Variants in NTRK2 observed in about 807,000 individuals in gnomAD.
The protein encoded by NTRK2 is BDNF/NT-3 growth factors receptor.
A neutral mutation model predicts 94.5 loss-of-function variants in NTRK2; 13 were observed. The ratio of observed to expected loss-of-function variants is 0.14; its 90% CI spans 0.09 to 0.22. The LOEUF is 0.22. NTRK2 is among the 10% of genes least tolerant of loss of function. The pLI, the probability that NTRK2 is intolerant of heterozygous loss-of-function variation, is 1.00. For synonymous variants in NTRK2, 372 were observed against 407.4 expected (o/e 0.91, Z 1.05); for missense variants, 639 against 1,071.2 (o/e 0.60, Z 5.63).
At chr9:84,720,320 C>G (rs942605798) in intron 6 of NTRK2, among the ~76,000 whole-genome samples, 6 of 152,264 alleles carry the variant, frequency 3.9e-5, no homozygotes, top group African/African-American at 1.2e-4. Flanking sequence ...GTGGATAAAA[C>G]AAAGGTTCTG....
chr9:84,844,933 A>G (rs939014004), intron 12 of NTRK2, among the ~76,000 whole-genome samples: 4 of 152,180 alleles, frequency 2.6e-5, no homozygotes, highest in African/African-American at 9.7e-5. Context: ...AAGAATGGCC[A>G]TAATTTAAAA....
intron 17 of NTRK2, among the ~76,000 whole-genome samples, chr9:84,956,814 C>T (rs1212137604): frequency 6.6e-6 from 1 of 150,630 alleles, no homozygotes; most frequent in Admixed American, 6.6e-5. Context: ...AATCTATTGT[C>T]GTGCTCCATT....
intron 12 of NTRK2, among the ~76,000 whole-genome samples, chr9:84,755,525 CTTTT>C (rs745611460): frequency 1.6e-5 from 1 of 60,642 alleles, no homozygotes; most frequent in African/African-American, 7.0e-5. Context: ...AGTCCCACCT[CTTTT>C]TTTTTTTTTT....
chr9:84,724,398 C>A lies in NTRK2; in HGVS notation c.853+42C>A, dbSNP rs1032199845. The A allele has an allele frequency of 3.7e-6, 6 of 1,612,854 alleles. No individual in the cohort carries two copies. The Admixed American group carries it at 6.7e-5, about 18-fold the overall frequency. Reference sequence around the variant, plus strand: ...GCATGTGTTTTTAATAGCAAATGATCATGGACGTACCTACGTTTGTTGCTG... The same window carrying A: ...GCATGTGTTTTTAATAGCAAATGATAATGGACGTACCTACGTTTGTTGCTG... On this transcript the variant is annotated intron_variant, in intron 8 of 18. Coordinates refer to ENST00000277120, the MANE Select transcript of NTRK2 (RefSeq NM_006180.6).
chr9:84,709,497 G>A (rs895890076), intron 5 of NTRK2, among the ~76,000 whole-genome samples: 1 of 152,082 alleles, frequency 6.6e-6, no homozygotes, highest in Non-Finnish European at 1.5e-5. Flanking sequence ...ACTTGGAGGC[G>A]ATCAAGCAGA....
At position 85,024,082 on chromosome 9, in the gene NTRK2, GC is replaced by G. The variant is rs1832917119; in HGVS notation, c.*2646del. 2 of 229,108 alleles carry G rather than the reference GC, an allele frequency of 8.7e-6. No homozygotes were observed. The highest frequency in any genetic ancestry group is 4.4e-5 in the African/African-American group (2 of 45,078). The allele number at this position is 229,108 out of a possible 1,614,324, so 14.2% of individuals were successfully genotyped here. ...AAGGTCTTGAAATAAAAGGTTCTAT[GC>G]AAGTGCAAAGTTTTATAGTTATTTT... On this transcript the variant is annotated 3_prime_UTR_variant, in exon 19 of 19. Transcript: ENST00000277120.
intron 12 of NTRK2, among the ~76,000 whole-genome samples, chr9:84,766,899 T>C (rs1176432623): frequency 6.6e-6 from 1 of 152,050 alleles, no homozygotes; most frequent in African/African-American, 2.4e-5. Flanking sequence ...AAGACCCACA[T>C]GTATTCAATA....
At chr9:84,751,063 A>T (rs775510593) in intron 11 of NTRK2, among the ~76,000 whole-genome samples, 4 of 152,204 alleles carry the variant, frequency 2.6e-5, no homozygotes, top group Non-Finnish European at 4.4e-5. Flanking sequence ...GGGAAAATGC[A>T]CATATCATAA....
intron 14 of NTRK2, among the ~76,000 whole-genome samples, chr9:84,909,932 G>T (rs1363230011): frequency 6.6e-6 from 1 of 152,114 alleles, no homozygotes; most frequent in African/African-American, 2.4e-5. Flanking sequence ...TTTTGATTTT[G>T]AGAAAGTCCA....
At chr9:84,823,144 A>T (rs1211881102) in intron 12 of NTRK2, among the ~76,000 whole-genome samples, 1 of 152,144 alleles carries the variant, frequency 6.6e-6, no homozygotes, top group Non-Finnish European at 1.5e-5. Flanking sequence ...TGAAATGTTT[A>T]AAAAATGTAA....
intron 12 of NTRK2, among the ~76,000 whole-genome samples, chr9:84,789,884 A>G (rs557918157): frequency 1.4e-4 from 22 of 152,318 alleles, no homozygotes; most frequent in African/African-American, 5.3e-4. Context: ...CTTAAGTGCT[A>G]GGGTGGCAAT....
chr9:84,906,772 C>T (rs576411976), intron 14 of NTRK2, among the ~76,000 whole-genome samples: 1 of 152,236 alleles, frequency 6.6e-6, no homozygotes, highest in South Asian at 2.1e-4. Flanking sequence ...TGTAAAGGCA[C>T]TTAGAGATGT....
In NTRK2 at chr9:84,874,909, T is replaced by G. The variant is rs201312269; in HGVS notation, c.1633+7478T>G. The G allele has an allele frequency of 4.7e-6, 5 of 1,056,288 alleles. No homozygotes were observed. In the South Asian group the frequency reaches 2.3e-4, roughly 48 times the overall value. The allele number at this position is 1,056,288 out of a possible 1,614,324, so 65.4% of individuals were successfully genotyped here. ...ATCCCAGTTGGTATAGGCCCAATGA[T>G]TTTTGCTAGTAAGATAGGATTGTCT... On this transcript the variant is annotated intron_variant, in intron 14 of 18. Coordinates refer to ENST00000277120, the MANE Select transcript of NTRK2 (RefSeq NM_006180.6).
chr9:84,874,577 T>C (rs1232547193), intron 14 of NTRK2: 2 of 1,063,446 alleles, frequency 1.9e-6, no homozygotes, highest in African/African-American at 3.3e-5. Context: ...CTTCTTTCTC[T>C]TGAATGGCAA....
At chr9:84,935,528 T>A (rs1457723893) in intron 15 of NTRK2, among the ~76,000 whole-genome samples, 1 of 152,184 alleles carries the variant, frequency 6.6e-6, no homozygotes, top group Non-Finnish European at 1.5e-5. Context: ...CTCTGCACTT[T>A]GGGGTGAATA....
At chr9:84,849,298 G>GA (rs1587664210) in intron 12 of NTRK2, among the ~76,000 whole-genome samples, 1 of 152,164 alleles carries the variant, frequency 6.6e-6, no homozygotes, top group East Asian at 1.9e-4. Context: ...AAGAGGAAGC[G>GA]AAAAACCCAG....
chr9:84,674,691 A>G (rs533986514), intron 2 of NTRK2, among the ~76,000 whole-genome samples: 3 of 152,208 alleles, frequency 2.0e-5, no homozygotes, highest in Non-Finnish European at 4.4e-5. Flanking sequence ...TTCATTATTT[A>G]ATACAACTTG....
At chr9:84,724,845 A>G (rs71506660) in intron 8 of NTRK2, among the ~76,000 whole-genome samples, 4,260 of 152,314 alleles carry the variant, frequency 0.028, 78 homozygotes, top group Admixed American at 0.049. Context: ...GATTAGTCCT[A>G]CTTAAATTAC....
chr9:84,799,304 T>TA (rs200463455), intron 12 of NTRK2, among the ~76,000 whole-genome samples: 27 of 150,018 alleles, frequency 1.8e-4, no homozygotes, highest in African/African-American at 4.2e-4. Context: ...CTAAGTCAGA[T>TA]AAAAAAAAAA....
Sources: allele counts gnomAD v4.1 joint callset (sites outside exome capture counted in the v4.1 genomes callset), GRCh38; gene constraint gnomAD v4.1.1; transcripts MANE v1.5; gene names NCBI Gene and HGNC (gene_info 2026-07-23, HGNC 2026-07-21).